Variants in METTL25 observed in about 807,000 individuals in gnomAD.
METTL25 encodes methyltransferase like 25.
Under a neutral mutation model 71.6 loss-of-function variants are expected in METTL25, and 64 were observed. The observed-to-expected ratio is 0.89, with a 90% CI of 0.73 to 1.10. The LOEUF is 1.10. METTL25 is among the 50% of genes least tolerant of loss of function. The pLI is 0.00. For missense variants in METTL25, 807 were observed against 707.0 expected, an observed-to-expected ratio of 1.14 and a Z score of -1.60; for synonymous variants, 287 against 250.3, an observed-to-expected ratio of 1.15 and a Z score of -1.38.
intron 5 of METTL25, among the ~76,000 whole-genome samples, chr12:82,411,950 A>G (rs1454583296): frequency 6.6e-6 from 1 of 152,116 alleles, no homozygotes; most frequent in Non-Finnish European, 1.5e-5. Context: ...TAAGCTTCCT[A>G]TTAGCTATGA....
chr12:82,433,194 C>T (rs888378603), intron 6 of METTL25, among the ~76,000 whole-genome samples: 7 of 151,566 alleles, frequency 4.6e-5, no homozygotes, highest in Non-Finnish European at 8.9e-5. Context: ...ATACCAAAAG[C>T]AGTCTTGGGG....
intron 4 of METTL25, among the ~76,000 whole-genome samples, chr12:82,402,218 A>G (rs532613918): frequency 6.6e-6 from 1 of 152,062 alleles, no homozygotes; most frequent in South Asian, 2.1e-4. Flanking sequence ...ATATTGTCAT[A>G]GTTGATGCGG....
chr12:82,435,341 A>G (rs1441470837), intron 7 of METTL25, among the ~76,000 whole-genome samples: 1 of 151,484 alleles, frequency 6.6e-6, no homozygotes, highest in East Asian at 1.9e-4. Flanking sequence ...AAGGAACATT[A>G]ATGTGTCAAT....
At chr12:82,393,408 T>C (rs754249129) in intron 3 of METTL25, among the ~76,000 whole-genome samples, 2 of 152,100 alleles carry the variant, frequency 1.3e-5, no homozygotes, top group African/African-American at 4.8e-5. Context: ...ATTACTTTCC[T>C]GTTTTCCTTT....
chr12:82,369,783 TG>T (rs1883004535), intron 1 of METTL25, among the ~76,000 whole-genome samples: 1 of 20,884 alleles, frequency 4.8e-5, no homozygotes, highest in Non-Finnish European at 2.0e-4. Context: ...TTTTACAGAG[TG>T]TTGATTGGTG....
chr12:82,404,043 A>G (rs1049408295), intron 5 of METTL25, among the ~76,000 whole-genome samples: 11 of 152,258 alleles, frequency 7.2e-5, no homozygotes, highest in African/African-American at 2.4e-4. Context: ...GGAGGTAAAC[A>G]TTGTAATTGT....
At chr12:82,434,674 T>C in intron 6 of METTL25, 21 bp from the exon 7 acceptor site, 1 of 1,606,342 alleles carries the variant, frequency 6.2e-7, no homozygotes, top group Non-Finnish European at 8.5e-7. Context: ...CAACAATCTG[T>C]CTTGTTTTTT....
intron 5 of METTL25, among the ~76,000 whole-genome samples, chr12:82,419,176 G>T (rs1318192744): frequency 6.6e-6 from 1 of 151,944 alleles, no homozygotes; most frequent in Non-Finnish European, 1.5e-5. Context: ...AATTTTCAGT[G>T]CAGATAAAAG....
intron 5 of METTL25, among the ~76,000 whole-genome samples, chr12:82,411,438 A>C (rs919049692): frequency 6.6e-6 from 1 of 152,024 alleles, no homozygotes; most frequent in African/African-American, 2.4e-5. Flanking sequence ...TTTTGGGGCA[A>C]AGTTGGAACA....
At chr12:82,435,035 C>T (rs1889815257) in intron 7 of METTL25, among the ~76,000 whole-genome samples, 2 of 151,400 alleles carry the variant, frequency 1.3e-5, no homozygotes, top group Non-Finnish European at 3.0e-5. Context: ...TTAGTTCAAG[C>T]AAAGATAACC....
At chr12:82,380,214 G>A (rs1381448266) in intron 1 of METTL25, among the ~76,000 whole-genome samples, 6 of 152,102 alleles carry the variant, frequency 3.9e-5, no homozygotes, top group African/African-American at 1.4e-4. Context: ...GAGTGAGAAC[G>A]TTTGGTATTT....
intron 3 of METTL25, among the ~76,000 whole-genome samples, chr12:82,390,466 T>G (rs1004674627): frequency 6.6e-6 from 1 of 152,120 alleles, no homozygotes; most frequent in Non-Finnish European, 1.5e-5. Flanking sequence ...GATTAATGAT[T>G]GTACACATTG....
chr12:82,451,727 A>G (rs1731712698), intron 8 of METTL25, among the ~76,000 whole-genome samples: 1 of 152,144 alleles, frequency 6.6e-6, no homozygotes, highest in Admixed American at 6.6e-5. Flanking sequence ...TTAAGTGATT[A>G]TTTGCCTATC....
intron 9 of METTL25, among the ~76,000 whole-genome samples, chr12:82,473,802 C>T (rs1412184703): frequency 6.6e-6 from 1 of 152,088 alleles, no homozygotes; most frequent in East Asian, 1.9e-4. Flanking sequence ...GCTTTTGTGT[C>T]TGGAAGTGAG....
chr12:82,385,927 A>T (rs918422387), intron 1 of METTL25, among the ~76,000 whole-genome samples: 3 of 152,124 alleles, frequency 2.0e-5, no homozygotes, highest in Non-Finnish European at 4.4e-5. Flanking sequence ...TGAAAATGGT[A>T]TGGTTCACCT....
intron 8 of METTL25, among the ~76,000 whole-genome samples, chr12:82,443,134 A>G (rs1205632450): frequency 6.6e-6 from 1 of 152,126 alleles, no homozygotes; most frequent in Non-Finnish European, 1.5e-5. Context: ...GGCAATAGCA[A>G]TATTAAGAAT....
intron 8 of METTL25, among the ~76,000 whole-genome samples, chr12:82,443,031 A>G (rs1364655405): frequency 6.6e-6 from 1 of 151,952 alleles, no homozygotes; most frequent in Non-Finnish European, 1.5e-5. Context: ...GCTAGAGAAT[A>G]GAAAACAAAG....
rs560318169 is a variant in METTL25 at position 82,398,955 on chromosome 12, C to T, written c.692C>T (p.Ser231Leu). ...CATTGGAAACTCTGTCATGCTCAGT[C>T]AAGATTAGATGTCAATGGACTAGCA... ...KKHWKLCHAQ[S>L]RLDVNGLALK... Residue 231 changes from serine (S) to leucine (L), a missense_variant, in exon 4 of 12, where the codon TCA (serine) becomes TTA (leucine). Ser to Leu is a moderately radical substitution (Grantham distance 145). Transcript: ENST00000248306. The T allele has an allele frequency of 1.2e-4, 189 of 1,611,016 alleles. 1 individual carries two copies. In the South Asian group the frequency reaches 1.9e-3, roughly 17 times the overall value.
At chr12:82,450,144 T>C (rs1891037065) in intron 8 of METTL25, among the ~76,000 whole-genome samples, 1 of 152,186 alleles carries the variant, frequency 6.6e-6, no homozygotes, top group Non-Finnish European at 1.5e-5. Context: ...GTTTTCTTGC[T>C]GATTTCTCAT....
Sources: allele counts gnomAD v4.1 joint callset (sites outside exome capture counted in the v4.1 genomes callset), GRCh38; gene constraint gnomAD v4.1.1; transcripts MANE v1.5; gene names NCBI Gene and HGNC (gene_info 2026-07-23, HGNC 2026-07-21).